The following TANC2 variants were observed in gnomAD, a reference collection of about 807,000 sequenced individuals.
TANC2 encodes protein TANC2.
In TANC2, 26 loss-of-function variants were observed where a neutral mutation model predicts 210.5. The observed-to-expected ratio is 0.12, with a 90% CI of 0.09 to 0.17. The LOEUF (loss-of-function observed/expected upper bound fraction) is 0.17, where lower values mean the gene tolerates loss of function less well. Among genes scored for constraint, TANC2 ranks in the 10% least tolerant of loss-of-function variants. The probability of loss-of-function intolerance (pLI) is 1.00; values close to 1 mark genes in which losing one functional copy is unlikely to be tolerated. For missense variants in TANC2, 2,129 were observed against 2,608.9 expected, an observed-to-expected ratio of 0.82 and a Z score of 4.01; for synonymous variants, 931 against 967.1, an observed-to-expected ratio of 0.96 and a Z score of 0.69.
At chr17:63,030,047 T>C (rs2034706631) in intron 2 of TANC2, among the ~76,000 whole-genome samples, 1 of 152,168 alleles carries the variant, frequency 6.6e-6, no homozygotes, top group South Asian at 2.1e-4. Context: ...CTTTGCATTA[T>C]ATCCTTAAAG....
At chr17:63,315,629 C>T (rs538612956) in intron 10 of TANC2, among the ~76,000 whole-genome samples, 5 of 152,330 alleles carry the variant, frequency 3.3e-5, no homozygotes, top group Admixed American at 6.5e-5. Context: ...AATCAATAAT[C>T]TAGCCCACCA....
chr17:63,322,489 C>T (rs2146648068), intron 11 of TANC2, among the ~76,000 whole-genome samples: 1 of 152,104 alleles, frequency 6.6e-6, no homozygotes, highest in African/African-American at 2.4e-5. Context: ...CAGAGCAAGA[C>T]TACGTCTCAA....
intron 4 of TANC2, among the ~76,000 whole-genome samples, chr17:63,111,668 A>G (rs2038051301): frequency 6.6e-6 from 1 of 152,174 alleles, no homozygotes; most frequent in Non-Finnish European, 1.5e-5. Context: ...AATTTCTGAT[A>G]TGGCAATATT....
At chr17:63,265,971 T>C (rs12601056) in intron 8 of TANC2, among the ~76,000 whole-genome samples, 3 of 152,054 alleles carry the variant, frequency 2.0e-5, no homozygotes, top group African/African-American at 4.8e-5. Context: ...CTTTTTGATA[T>C]AAGCAGAAGA....
At chr17:63,098,463 CA>C (rs2037479370) in intron 3 of TANC2, among the ~76,000 whole-genome samples, 1 of 43,196 alleles carries the variant, frequency 2.3e-5, no homozygotes, top group Admixed American at 2.0e-4. Flanking sequence ...CACACACACA[CA>C]CACACACACA....
chr17:63,270,879 CAT>C (rs2043679784), intron 9 of TANC2, among the ~76,000 whole-genome samples: 1 of 152,150 alleles, frequency 6.6e-6, no homozygotes, highest in Non-Finnish European at 1.5e-5. Flanking sequence ...CATGCGTTCT[CAT>C]CATTTAGCTC....
At chr17:63,405,077 G>T in intron 19 of TANC2, 45 bp from the exon 20 acceptor site, 5 of 1,536,142 alleles carry the variant, frequency 3.3e-6, no homozygotes, top group Non-Finnish European at 4.4e-6. Context: ...GAGCGCTGGA[G>T]AGGACCAGAA....
intron 4 of TANC2, among the ~76,000 whole-genome samples, chr17:63,115,293 C>G (rs2038210377): frequency 6.6e-6 from 1 of 152,196 alleles, no homozygotes; most frequent in African/African-American, 2.4e-5. Context: ...TTTGAGTTTG[C>G]CCTACAGTTT....
Position 63,421,888 on chromosome 17 carries a change from G to T in TANC2, c.6158G>T (p.Arg2053Leu). 6.2e-7 allele frequency: 1 copy of T among 1,613,956 alleles called. No homozygotes were observed. Among genetic ancestry groups the T allele is most frequent in the Non-Finnish European group, 8.5e-7 (1 of 1,179,892 alleles). ...GACAACCTGTACAGGCAGCTGTCCC[G>T]AGACTCTCGGCAAGGGCAGACATCC... Residue 2053 changes from arginine to leucine, a missense_variant, in exon 28 of 28, where the codon CGA (arginine) becomes CTA (leucine). Arg to Leu is a moderately radical substitution (Grantham distance 102, BLOSUM62 -2). Around this residue, in one of 5 missense-constraint regions of TANC2, gnomAD observed 161 missense variants for 178.6 expected, o/e 0.90. Transcript: ENST00000689528. This position sits in a 1 kb window ranked among gnomAD's most constrained non-coding sequence, Gnocchi z 6.9.
At chr17:63,188,152 G>A (rs1290931376) in intron 5 of TANC2, among the ~76,000 whole-genome samples, 1 of 151,934 alleles carries the variant, frequency 6.6e-6, no homozygotes, top group Non-Finnish European at 1.5e-5. Context: ...ATGAGTGCAG[G>A]CAAAATCTGA....
At chr17:63,033,034 G>T (rs998022023) in intron 2 of TANC2, among the ~76,000 whole-genome samples, 2 of 152,098 alleles carry the variant, frequency 1.3e-5, no homozygotes, top group African/African-American at 4.8e-5. Context: ...TATTATAAAG[G>T]ATATTACAGA....
Position 63,418,457 on chromosome 17 carries a change from T to C in TANC2, c.4268+50T>C, listed in dbSNP as rs749562792. The C allele has an allele frequency of 3.8e-6, 6 of 1,567,160 alleles. No individual in the cohort carries two copies. In the East Asian group the frequency reaches 1.2e-4, roughly 30 times the overall value. ...AGCAAGAGGTCTCTTTTCTGAAAAT[T>C]TGGCCAAGGCAGCGTCGGCCACCCT... On this transcript the variant is annotated intron_variant, in intron 27 of 27. Transcript: ENST00000689528. This position sits in a 1 kb window ranked among gnomAD's most constrained non-coding sequence, Gnocchi z 4.6.
intron 1 of TANC2, among the ~76,000 whole-genome samples, chr17:63,006,676 A>G (rs2033637305): frequency 6.6e-6 from 1 of 152,148 alleles, no homozygotes; most frequent in Non-Finnish European, 1.5e-5. Flanking sequence ...CATATGGTCC[A>G]TTTTGGTATG....
rs183967852 is a variant in TANC2 at position 63,099,402 on chromosome 17, C to T, written c.322+45C>T. ...TTAGTATGTTTAACAGGAAACCTAACGATATGACACTTTAGGTCACGTCAG... is the reference window on the plus strand; with the variant it reads ...TTAGTATGTTTAACAGGAAACCTAATGATATGACACTTTAGGTCACGTCAG... On this transcript the variant is annotated intron_variant, in intron 4 of 27. Coordinates refer to ENST00000689528, the Ensembl canonical transcript of TANC2. 57 of 1,359,290 alleles carry T rather than the reference C, an allele frequency of 4.2e-5. No homozygotes were observed. In the African/African-American group the frequency reaches 5.5e-4, roughly 13 times the overall value. 84.2% of individuals were successfully genotyped at this position (1,359,290 alleles called of 1,614,324 possible). A position where few individuals can be genotyped will look rare whatever the true frequency, so the allele number is the denominator to read the frequency against.
intron 3 of TANC2, among the ~76,000 whole-genome samples, chr17:63,091,151 T>G (rs1050145740): frequency 3.8e-5 from 5 of 132,906 alleles, no homozygotes; most frequent in African/African-American, 1.4e-4. Context: ...TTTCTCCCAT[T>G]CTGTAGGTTG....
rs1033349517 is a variant in TANC2 at position 63,406,390 on chromosome 17, G to T, written c.3589+113G>T. The T allele has an allele frequency of 1.3e-5, 19 of 1,473,446 alleles. No individual in the cohort carries two copies. The African/African-American group carries it at 2.4e-4, about 18-fold the overall frequency. 91.3% of individuals were successfully genotyped at this position (1,473,446 alleles called of 1,614,324 possible). On this transcript the variant is annotated intron_variant, in intron 21 of 27. Transcript: ENST00000689528. ...CTAAGAACAGATATTAATCCAGTTG[G>T]TTGGAAAATGAAAGGCTATCTCCTC...
intron 4 of TANC2, among the ~76,000 whole-genome samples, chr17:63,143,944 G>A (rs2039377500): frequency 6.6e-6 from 1 of 152,020 alleles, no homozygotes; most frequent in Non-Finnish European, 1.5e-5. Context: ...CCTGAGTCCA[G>A]GAGTTTGAAA....
intron 7 of TANC2, among the ~76,000 whole-genome samples, chr17:63,233,670 TG>T (rs2042542992): frequency 6.6e-6 from 1 of 152,244 alleles, no homozygotes; most frequent in African/African-American, 2.4e-5. Flanking sequence ...TCAGCCATCT[TG>T]GCCCCTCCGG....
intron 2 of TANC2, among the ~76,000 whole-genome samples, chr17:63,062,558 G>A (rs1197971061): frequency 1.3e-5 from 2 of 152,016 alleles, no homozygotes; most frequent in Non-Finnish European, 2.9e-5. Flanking sequence ...ATTGTCAGCT[G>A]GTGTTATCAA....
Sources: allele counts gnomAD v4.1 joint callset (sites outside exome capture counted in the v4.1 genomes callset), GRCh38; gene constraint gnomAD v4.1.1; regional missense constraint gnomAD v4.1.1; non-coding constraint Gnocchi (gnomAD v3.1); transcripts MANE v1.5; gene names NCBI Gene and HGNC (gene_info 2026-07-23, HGNC 2026-07-21).